The following PLAUR variants were observed in gnomAD, a reference collection of about 807,000 sequenced individuals.
The protein encoded by PLAUR is urokinase plasminogen activator surface receptor.
A neutral mutation model predicts 33.4 loss-of-function variants in PLAUR; 22 were observed. The observed-to-expected ratio is 0.66, with a 90% CI of 0.47 to 0.94. PLAUR has a LOEUF of 0.94. Ranked by LOEUF, PLAUR falls within the 40% of genes least tolerant of loss-of-function variation. The probability of loss-of-function intolerance (pLI) is 0.00; values close to 1 mark genes in which losing one functional copy is unlikely to be tolerated. For synonymous variants in PLAUR, 148 were observed against 167.3 expected (o/e 0.88, Z 0.89); for missense variants, 408 against 434.7 (o/e 0.94, Z 0.55).
chr19:43,652,266 C>G lies in PLAUR; in HGVS notation c.713G>C (p.Arg238Pro). 1 of 1,614,074 alleles carries G rather than the reference C, an allele frequency of 6.2e-7. No homozygotes were observed. The highest frequency in any genetic ancestry group is 8.5e-7 in the Non-Finnish European group (1 of 1,179,996). Reference sequence around the variant, plus strand: ...TACCAGACATTGATTCATGGGGCCTCGGCAGTCAATGAGGAAAGTCTCTTC... The same window carrying G: ...TACCAGACATTGATTCATGGGGCCTGGGCAGTCAATGAGGAAAGTCTCTTC... ...SSEETFLIDC[R>P]GPMNQCLVAT... The change falls in exon 6 of 7, where the codon CGA (arginine) becomes CCA (proline). Residue 238 changes from arginine (R) to proline (P), a missense_variant. Coordinates refer to ENST00000340093, the MANE Select transcript of PLAUR (RefSeq NM_002659.4).
At chr19:43,647,581 C>A (rs1407109258), downstream of PLAUR, among the ~76,000 whole-genome samples, 9 of 152,138 alleles carry the variant, frequency 5.9e-5, no homozygotes, top group African/African-American at 1.9e-4. Flanking sequence ...CCAAGGTGGG[C>A]AGATCACCTG....
intron 3 of PLAUR, 110 bp from the exon 4 acceptor site, chr19:43,656,750 G>T: frequency 1.2e-6 from 1 of 862,554 alleles, no homozygotes. Context: ...CCTGCAGCCA[G>T]TCATTGAGCC....
chr19:43,648,362 G>A (rs1219702143), downstream of PLAUR, among the ~76,000 whole-genome samples: 1 of 152,078 alleles, frequency 6.6e-6, no homozygotes, highest in Admixed American at 6.6e-5. Flanking sequence ...TTAATCAAGA[G>A]GAACTAAGAA....
intron 6 of PLAUR, among the ~76,000 whole-genome samples, chr19:43,650,234 C>T (rs1430898100): frequency 6.6e-6 from 1 of 150,954 alleles, no homozygotes; most frequent in Non-Finnish European, 1.5e-5. Flanking sequence ...TGGTCTCGAA[C>T]TCCTGACCTT....
rs775762171 is a variant in PLAUR at position 43,649,032 on chromosome 19, G to A, written c.866C>T (p.Thr289Ile). 1.2e-6 allele frequency: 2 copies of A among 1,614,116 alleles called. No individual in the cohort carries two copies. Among genetic ancestry groups the A allele is most frequent in the African/African-American group, 1.3e-5 (1 of 74,938 alleles). ...SMNHIDVSCC[T>I]KSGCNHPDLD... is the part of the protein sequence containing the mutation. ...GTCTGGGTGGTTACAGCCACTTTTA[G>A]TACAGCAGGAGACATCAATGTGGTT... The change falls in exon 7 of 7, where the codon ACT (threonine) becomes ATT (isoleucine). Residue 289 changes from threonine to isoleucine, a missense_variant. By Grantham distance (89) the Thr-to-Ile change is moderately conservative (BLOSUM62 -1). Coordinates refer to ENST00000340093, the MANE Select transcript of PLAUR (RefSeq NM_002659.4).
rs4251832 is a variant in PLAUR at position 43,665,313 on chromosome 19, C to A, written c.310+3G>T. On this transcript the variant is annotated splice_donor_region_variant and intron_variant, in intron 3 of 6. Transcript: ENST00000340093. ...TGGGGATGGCAAGGGCTGCCCTACT[C>A]ACCAGAGTTGCCCTGGTTGCACAAG... 3 of 1,613,844 alleles carry A rather than the reference C, an allele frequency of 1.9e-6. No individual in the cohort carries two copies. The South Asian group carries it at 3.3e-5, about 18-fold the overall frequency.
intron 6 of PLAUR, among the ~76,000 whole-genome samples, chr19:43,649,539 C>CA (rs565794767): frequency 4.3e-4 from 33 of 76,108 alleles, no homozygotes; most frequent in East Asian, 1.8e-3. Context: ...GACCCTGTTT[C>CA]AAAAAACAAA....
rs1009351132 is a variant in PLAUR, at chr19:43,653,472, T to C, written c.608-1101A>G. ...GGAGGATATTCATCTGCAAGGGCCATGAGACCAGATGGGCTTTGGTGATTA... is the reference window on the plus strand; with the variant it reads ...GGAGGATATTCATCTGCAAGGGCCACGAGACCAGATGGGCTTTGGTGATTA... On this transcript the variant is annotated intron_variant, in intron 5 of 6. Coordinates refer to ENST00000340093, the MANE Select transcript of PLAUR (RefSeq NM_002659.4). Among the ~76,000 whole-genome samples the C allele has an allele frequency of 5.9e-5, 9 of 152,312 alleles. No homozygotes were observed. In the South Asian group the frequency reaches 1.9e-3, roughly 32 times the overall value.
At position 43,650,928 on chromosome 19, in the gene PLAUR, G is replaced by A. The variant is rs1030689645; in HGVS notation, c.754+1297C>T. ...CATGCCTGTAATCCCAGCTATGCAGGAAGCTGAGGCAGGAGGATTGCTTGA... is the reference window on the plus strand; with the variant it reads ...CATGCCTGTAATCCCAGCTATGCAGAAAGCTGAGGCAGGAGGATTGCTTGA... On this transcript the variant is annotated intron_variant, in intron 6 of 6. Coordinates refer to ENST00000340093, the MANE Select transcript of PLAUR (RefSeq NM_002659.4). 2.6e-5 allele frequency among the ~76,000 whole-genome samples: 4 copies of A among 151,058 alleles called. No homozygotes were observed. The South Asian group carries it at 6.3e-4, about 24-fold the overall frequency.
intron 3 of PLAUR, among the ~76,000 whole-genome samples, chr19:43,657,656 ACTGT>A (rs575060816): frequency 4.6e-5 from 7 of 152,246 alleles, no homozygotes; most frequent in Admixed American, 3.3e-4. Context: ...CTGGGTGGTC[ACTGT>A]CTGGTGACAG....
intron 6 of PLAUR, among the ~76,000 whole-genome samples, chr19:43,651,210 C>G (rs1016849142): frequency 5.9e-5 from 9 of 151,734 alleles, no homozygotes; most frequent in African/African-American, 1.7e-4. Context: ...TCCCGAGTAG[C>G]TGGGATTATA....
At chr19:43,660,061 C>T (rs1484800142) in intron 3 of PLAUR, among the ~76,000 whole-genome samples, 3 of 152,014 alleles carry the variant, frequency 2.0e-5, no homozygotes, top group African/African-American at 4.8e-5. Context: ...CAATTGGTCC[C>T]TTTTATTTTC....
intron 3 of PLAUR, among the ~76,000 whole-genome samples, chr19:43,664,450 A>G (rs1967140178): frequency 6.6e-6 from 1 of 152,114 alleles, no homozygotes; most frequent in Non-Finnish European, 1.5e-5. Flanking sequence ...ACCTTTTCTA[A>G]GTCTTTTTCT....
chr19:43,662,263 C>T (rs576663477), intron 3 of PLAUR, among the ~76,000 whole-genome samples: 1 of 151,828 alleles, frequency 6.6e-6, no homozygotes, highest in East Asian at 1.9e-4. Context: ...TTTGGGAGGC[C>T]GAGGTGGGTG....
At chr19:43,648,104 G>A (rs912066829), downstream of PLAUR, among the ~76,000 whole-genome samples, 39 of 152,044 alleles carry the variant, frequency 2.6e-4, no homozygotes, top group African/African-American at 8.9e-4. Flanking sequence ...GGTCAGAGAG[G>A]GGTTTATCTT....
At chr19:43,655,292 A>AG in intron 5 of PLAUR, 147 bp downstream of exon 5, 1 of 732,120 alleles carries the variant, frequency 1.4e-6, no homozygotes, top group Non-Finnish European at 2.2e-6. Flanking sequence ...AAAAAAAAAA[A>AG]AAAAAAAGGC....
chr19:43,661,036 C>T (rs969619789), intron 3 of PLAUR: 5 of 152,162 alleles, frequency 3.3e-5, no homozygotes, highest in African/African-American at 4.8e-5. Context: ...AAGCCTTGTT[C>T]GCTTTTGTAG....
At chr19:43,651,199 C>T (rs1023969724) in intron 6 of PLAUR, among the ~76,000 whole-genome samples, 2 of 151,914 alleles carry the variant, frequency 1.3e-5, no homozygotes, top group African/African-American at 4.8e-5. Context: ...CTGCCTCAGC[C>T]TCCCGAGTAG....
chr19:43,666,258 G>C (rs1433404230), intron 2 of PLAUR, among the ~76,000 whole-genome samples: 1 of 151,952 alleles, frequency 6.6e-6, no homozygotes, highest in African/African-American at 2.4e-5. Context: ...TGTTCTTAAA[G>C]CTTATAAAAA....
Sources: gnomAD v4.1 joint callset for allele counts (sites outside exome capture counted in the v4.1 genomes callset) on GRCh38, gnomAD v4.1.1 for gene constraint, MANE v1.5 for transcripts, NCBI Gene and HGNC (gene_info 2026-07-23, HGNC 2026-07-21) for gene names.